The following FGF13 variants were observed in gnomAD, a reference collection of about 807,000 sequenced individuals.
The protein encoded by FGF13 is fibroblast growth factor 13.
A neutral mutation model predicts 19.5 loss-of-function variants in FGF13; 2 were observed. That is an observed-to-expected ratio of 0.10 (90% CI 0.04 to 0.32). The LOEUF (loss-of-function observed/expected upper bound fraction) is 0.32. Among genes scored for constraint, FGF13 ranks in the 10% least tolerant of loss-of-function variants. The pLI is 1.00. For missense variants in FGF13, 113 were observed against 192.7 expected (o/e 0.59, Z 2.45); for synonymous variants, 72 against 76.9 (o/e 0.94, Z 0.33).
At chrX:139,115,903 A>G (rs1417265245) in intron 1 of FGF13, among the ~76,000 whole-genome samples, 1 of 112,722 alleles carries the variant, frequency 8.9e-6, no homozygotes, top group African/African-American at 3.2e-5. Flanking sequence ...AAATATTTTC[A>G]CATGAGTGAT....
At position 138,629,089 on chromosome X, in the gene FGF13, AG is replaced by A. The variant is rs1282478522; in HGVS notation, c.*3760del. ...ACACTGACATTAAGTGCTGTGGCAT[AG>A]AACAGTAGGTATCAGATTCAGGAGA... On this transcript the variant is annotated 3_prime_UTR_variant, in exon 5 of 5. Transcript: ENST00000315930. 8.9e-6 allele frequency: 1 copy of A among 111,988 alleles called. No homozygotes were observed. Among genetic ancestry groups the A allele is most frequent in the East Asian group, 2.8e-4 (1 of 3,551 alleles). 9.2% of individuals were successfully genotyped at this position (111,988 alleles called of 1,213,427 possible).
intron 3 of FGF13, among the ~76,000 whole-genome samples, chrX:138,768,129 C>G (rs1005448071): frequency 6.2e-5 from 7 of 112,204 alleles, no homozygotes; most frequent in African/African-American, 1.9e-4. Flanking sequence ...TGAAAGTCAG[C>G]CATCATCATG....
chrX:138,822,273 T>G (rs1229633441), intron 3 of FGF13, among the ~76,000 whole-genome samples: 5 of 111,997 alleles, frequency 4.5e-5, no homozygotes, highest in Non-Finnish European at 9.4e-5. Context: ...CTACGGATTG[T>G]CAACAACTTT....
rs73581263 is a variant in FGF13 at position 139,032,312 on chromosome X, G to C, written c.-112-167662C>G. On this transcript the variant is annotated intron_variant, in intron 1 of 2. Coordinates refer to the FGF13 transcript ENST00000421460. ...AGCCCTTTCTGTTTAGCTTTCCTTGGACACCAAACCACGCATCTTCCACCA... is the reference window on the plus strand; with the variant it reads ...AGCCCTTTCTGTTTAGCTTTCCTTGCACACCAAACCACGCATCTTCCACCA... 4.5e-4 allele frequency among the ~76,000 whole-genome samples: 50 copies of C among 111,420 alleles called. 2 individuals are homozygous for C. In the East Asian group the frequency reaches 0.014, roughly 32 times the overall value.
At chrX:139,120,428 T>C (rs143234731) in intron 1 of FGF13, among the ~76,000 whole-genome samples, 1,174 of 111,621 alleles carry the variant, frequency 0.011, 5 homozygotes, top group Non-Finnish European at 0.017. Context: ...TTTCTATTTT[T>C]ATAGCTGAGG....
chrX:138,869,734 C>T (rs746637416), intron 1 of FGF13, among the ~76,000 whole-genome samples: 14 of 112,355 alleles, frequency 1.2e-4, no homozygotes, highest in East Asian at 2.8e-4. Context: ...CTCTCAATTA[C>T]GATAGTTGAA....
intron 1 of FGF13, among the ~76,000 whole-genome samples, chrX:138,934,522 G>A (rs2091721503): frequency 8.9e-6 from 1 of 112,655 alleles, no homozygotes; most frequent in Non-Finnish European, 1.9e-5. Context: ...TGTCTAACAT[G>A]TCAGAATATC....
intron 1 of FGF13, among the ~76,000 whole-genome samples, chrX:138,940,310 C>T (rs1265736134): frequency 9.0e-6 from 1 of 111,503 alleles, no homozygotes; most frequent in Non-Finnish European, 1.9e-5. Flanking sequence ...GTTTAAGTTA[C>T]TTATAGATTC....
intron 2 of FGF13, among the ~76,000 whole-genome samples, chrX:138,706,791 CA>C (rs982569504): frequency 8.9e-6 from 1 of 111,943 alleles, no homozygotes; most frequent in African/African-American, 3.2e-5. Flanking sequence ...GCTTATGCCC[CA>C]CAATATCCTC....
At chrX:138,762,214 CTTTA>C (rs1190109944) in intron 3 of FGF13, among the ~76,000 whole-genome samples, 1 of 111,080 alleles carries the variant, frequency 9.0e-6, no homozygotes, top group Non-Finnish European at 1.9e-5. Flanking sequence ...TCAGGAGCAA[CTTTA>C]TTTATGACTC....
At chrX:138,679,523 G>T (rs2089707384) in intron 3 of FGF13, among the ~76,000 whole-genome samples, 1 of 112,073 alleles carries the variant, frequency 8.9e-6, no homozygotes, top group Non-Finnish European at 1.9e-5. Flanking sequence ...TCTCAATAAA[G>T]TGAATATTGC....
At chrX:138,748,418 A>C (rs2090371904) in intron 3 of FGF13, among the ~76,000 whole-genome samples, 1 of 111,278 alleles carries the variant, frequency 9.0e-6, no homozygotes, top group African/African-American at 3.3e-5. Context: ...TTCCATGGAG[A>C]GGAAAGGCTA....
intron 1 of FGF13, among the ~76,000 whole-genome samples, chrX:139,031,822 A>T (rs1195518813): frequency 1.8e-5 from 2 of 110,742 alleles, no homozygotes; most frequent in African/African-American, 6.6e-5. Context: ...CTTCAGTGAC[A>T]CCAGAACTCC....
chrX:138,775,772 A>G (rs1191232860), intron 3 of FGF13, among the ~76,000 whole-genome samples: 1 of 112,912 alleles, frequency 8.9e-6, no homozygotes, highest in African/African-American at 3.2e-5. Flanking sequence ...CACAGAATAC[A>G]TAGAAGCATG....
chrX:138,854,813 G>A (rs1438465248), downstream of FGF13, among the ~76,000 whole-genome samples: 3 of 111,424 alleles, frequency 2.7e-5, no homozygotes, highest in Non-Finnish European at 5.7e-5. Context: ...ATCAAACAAT[G>A]TATGGTTTAA....
At chrX:138,733,255 CTT>C (rs1292463801) in intron 1 of FGF13, among the ~76,000 whole-genome samples, 5 of 111,428 alleles carry the variant, frequency 4.5e-5, no homozygotes, top group African/African-American at 1.6e-4. Context: ...GATTCTAAAT[CTT>C]TTTGTGTTAT....
chrX:138,787,019 C>T (rs1032229125), intron 3 of FGF13, among the ~76,000 whole-genome samples: 4 of 112,514 alleles, frequency 3.6e-5, no homozygotes, highest in African/African-American at 1.3e-4. Flanking sequence ...AAATCTTAAG[C>T]TCCTGGACCA....
intron 1 of FGF13, among the ~76,000 whole-genome samples, chrX:139,095,093 T>C (rs767144380): frequency 1.1e-3 from 125 of 112,427 alleles, no homozygotes; most frequent in African/African-American, 3.7e-3. Flanking sequence ...TCCTTTCAGA[T>C]AGTTGTCTGC....
At chrX:138,851,638 T>A (rs775512123) in intron 3 of FGF13, among the ~76,000 whole-genome samples, 2 of 111,889 alleles carry the variant, frequency 1.8e-5, no homozygotes, top group East Asian at 5.6e-4. Flanking sequence ...GCTGGGGGCA[T>A]TCCCCTTGAA....
Sources: gnomAD v4.1 joint callset for allele counts (sites outside exome capture counted in the v4.1 genomes callset) on GRCh38, gnomAD v4.1.1 for gene constraint, MANE v1.5 for transcripts, NCBI Gene and HGNC (gene_info 2026-07-23, HGNC 2026-07-21) for gene names.